The following NR1H3 variants were observed in gnomAD, a reference collection of about 807,000 sequenced individuals.
NR1H3 encodes the protein nuclear receptor subfamily 1 group H member 3.
In NR1H3, 19 loss-of-function variants were observed where a neutral mutation model predicts 48.1. The ratio of observed to expected loss-of-function variants is 0.40; its 90% CI spans 0.28 to 0.58. The LOEUF is 0.58. Among genes scored for constraint, NR1H3 ranks in the 20% least tolerant of loss-of-function variants. NR1H3 has a pLI of 0.50. For synonymous variants in NR1H3, 232 were observed against 227.3 expected (o/e 1.02, Z -0.19); for missense variants, 486 against 595.9 (o/e 0.82, Z 1.92).
upstream of NR1H3, chr11:47,248,793 C>T (rs1322331794): frequency 1.9e-6 from 3 of 1,588,046 alleles, no homozygotes; most frequent in Non-Finnish European, 2.6e-6. Flanking sequence ...CCGCCATCAC[C>T]GTTGTAATCT....
intron 7 of NR1H3, among the ~76,000 whole-genome samples, chr11:47,266,513 T>C (rs1565203053): frequency 6.6e-6 from 1 of 152,094 alleles, no homozygotes; most frequent in Non-Finnish European, 1.5e-5. Flanking sequence ...TTTGTATTTT[T>C]AGTAGAGACC....
chr11:47,256,585 G>A (rs1955194077), upstream of NR1H3, among the ~76,000 whole-genome samples: 1 of 150,448 alleles, frequency 6.6e-6, no homozygotes, highest in Non-Finnish European at 1.5e-5. Context: ...GCTGAGGTGG[G>A]AGGATGGCTT....
At chr11:47,249,004 C>A (rs932010798) in intron 1 of NR1H3, 5 of 1,476,898 alleles carry the variant, frequency 3.4e-6, no homozygotes, top group African/African-American at 2.8e-5. Flanking sequence ...AAGAAGGTAA[C>A]GCGACCTGGC....
rs757555974 is a variant in NR1H3 at position 47,268,567 on chromosome 11, A to G, written c.1215A>G (p.Pro405=). 2 of 1,614,074 alleles carry G rather than the reference A, an allele frequency of 1.2e-6. No individual in the cohort carries two copies. The highest frequency in any genetic ancestry group is 8.5e-7 in the Non-Finnish European group (1 of 1,180,014). Residue 405 remains proline, a synonymous_variant, in exon 10 of 10, where the codon CCA becomes CCG. Transcript: ENST00000441012. ...TTCCCCAGGACCGACTGATGTTCCC[A>G]CGGATGCTAATGAAACTGGTGAGCC... ...IHHPHDRLMF[P]RMLMKLVSLR... is the part of the protein sequence containing the mutation.
At chr11:47,268,448 T>G (rs1957437771) in intron 9 of NR1H3, 93 bp downstream of exon 9, 1 of 1,586,360 alleles carries the variant, frequency 6.3e-7, no homozygotes. Context: ...TCTCTCTGAC[T>G]GCATGCTGTG....
chr11:47,248,467 G>T (rs1565168690), upstream of NR1H3: 2 of 1,547,350 alleles, frequency 1.3e-6, no homozygotes, highest in African/African-American at 2.7e-5. Context: ...CCACTTCCCT[G>T]TCTCAAGGCA....
intron 2 of NR1H3, chr11:47,259,541 T>C: frequency 1.3e-6 from 2 of 1,492,700 alleles, no homozygotes; most frequent in South Asian, 2.7e-5. Context: ...ATCTGATCTC[T>C]GAAATGCATA....
chr11:47,265,085 G>C (rs1038139745), intron 7 of NR1H3, among the ~76,000 whole-genome samples: 1 of 152,026 alleles, frequency 6.6e-6, no homozygotes, highest in Non-Finnish European at 1.5e-5. Context: ...CCTGAGGTCA[G>C]GAGTTCGAGA....
intron 7 of NR1H3, among the ~76,000 whole-genome samples, chr11:47,267,655 C>A (rs1005092671): frequency 6.6e-6 from 1 of 152,064 alleles, no homozygotes; most frequent in Non-Finnish European, 1.5e-5. Flanking sequence ...ATTACAGGCA[C>A]CTGCCACCAC....
upstream of NR1H3, chr11:47,248,598 C>A: frequency 6.4e-7 from 1 of 1,554,248 alleles, no homozygotes; most frequent in East Asian, 2.4e-5. Flanking sequence ...TGTTCCTTCC[C>A]GAGATCCTCG....
At position 47,259,814 on chromosome 11, in the gene NR1H3, C is replaced by T; in HGVS notation, c.67C>T (p.Pro23Ser). ...PPDSAVELWK[P>S]GAQDASSQAQ... Reference sequence around the variant, plus strand: ...AGACTCTGCGGTGGAGCTGTGGAAGCCAGGCGCACAGGATGCAAGCAGCCA... The same window carrying T: ...AGACTCTGCGGTGGAGCTGTGGAAGTCAGGCGCACAGGATGCAAGCAGCCA... The change falls in exon 3 of 10, where the codon CCA (proline) becomes TCA (serine). Residue 23 changes from proline (P) to serine (S), a missense_variant. Physicochemically the swap from Pro to Ser is moderately conservative, Grantham distance 74. Coordinates refer to ENST00000441012, the MANE Select transcript of NR1H3 (RefSeq NM_005693.4). 1 of 1,612,176 alleles carries T rather than the reference C, an allele frequency of 6.2e-7. No homozygotes were observed.
exon 1 of NR1H3, chr11:47,248,964 G>A: frequency 4.6e-6 from 7 of 1,524,072 alleles, no homozygotes; most frequent in Non-Finnish European, 5.3e-6. Context: ...CGTGCAGGAG[G>A]GTCGTGGTCT....
At chr11:47,255,541 TTTTCTTTCTTTCTTTCTTTCTTTC>T (rs1173009490), upstream of NR1H3, among the ~76,000 whole-genome samples, 1 of 71,582 alleles carries the variant, frequency 1.4e-5, no homozygotes, top group African/African-American at 4.5e-5. Context: ...CTTTCTTTCT[TTTTCTTTCTTTCTTTCTTTCTTTC>T]TTTCTTTCTT....
In NR1H3 at chr11:47,268,341, A is replaced by G. The variant is rs1957315128; in HGVS notation, c.1183A>G (p.Ile395Val). The change falls in exon 9 of 10, where the codon ATC (isoleucine) becomes GTC (valine). Residue 395 changes from isoleucine to valine, a missense_variant. By Grantham distance (29) the Ile-to-Val change is conservative. Coordinates refer to ENST00000441012, the MANE Select transcript of NR1H3 (RefSeq NM_005693.4). ...GGAAGCCCTGCATGCCTACGTCTCC[A>G]TCCACCATCCCCATGTGAGTCTCCC... is the stretch of plus-strand genomic sequence containing the variant. ...YVEALHAYVS[I>V]HHPHDRLMFP... The G allele has an allele frequency of 6.2e-7, 1 of 1,614,048 alleles. No homozygotes were observed. Among genetic ancestry groups the G allele is most frequent in the East Asian group, 2.2e-5 (1 of 44,884 alleles).
intron 7 of NR1H3, among the ~76,000 whole-genome samples, chr11:47,265,199 C>T (rs1406007503): frequency 7.5e-6 from 1 of 134,108 alleles, no homozygotes; most frequent in Non-Finnish European, 1.6e-5. Context: ...GAGGCTGAGG[C>T]AGGAGAATTG....
At chr11:47,260,722 G>T in intron 4 of NR1H3, 47 bp downstream of exon 4, 2 of 1,539,332 alleles carry the variant, frequency 1.3e-6, no homozygotes, top group Non-Finnish European at 1.7e-6. Flanking sequence ...GGGAAAGAGG[G>T]GGCCAGGGTG....
chr11:47,257,906 G>A (rs1247126883), upstream of NR1H3: 6 of 985,226 alleles, frequency 6.1e-6, no homozygotes, highest in Non-Finnish European at 7.2e-6. Flanking sequence ...GGAGGGCTGT[G>A]GTCACCAGGC....
upstream of NR1H3, among the ~76,000 whole-genome samples, chr11:47,254,175 C>T (rs1288322521): frequency 2.0e-5 from 3 of 152,082 alleles, no homozygotes; most frequent in East Asian, 1.9e-4. Context: ...AGATGGGGCT[C>T]GTATGTGGTC....
chr11:47,257,525 G>C, upstream of NR1H3: 2 of 378,656 alleles, frequency 5.3e-6, no homozygotes, highest in Non-Finnish European at 7.3e-6. Flanking sequence ...GGGCTAGTGG[G>C]GAGAGCTTCT....
Sources: allele counts gnomAD v4.1 joint callset (sites outside exome capture counted in the v4.1 genomes callset), GRCh38; gene constraint gnomAD v4.1.1; transcripts MANE v1.5; gene names NCBI Gene and HGNC (gene_info 2026-07-23, HGNC 2026-07-21).